FARP1: variants seen among roughly 807,000 people sequenced by gnomAD.
FARP1 encodes FERM, ARH/RhoGEF and pleckstrin domain protein 1.
In FARP1, 52 loss-of-function variants were observed where a neutral mutation model predicts 128.8. The observed-to-expected ratio is 0.40, with a 90% confidence interval of 0.32 to 0.51. The LOEUF (loss-of-function observed/expected upper bound fraction) is 0.51. Ranked by LOEUF, FARP1 falls within the 20% of genes least tolerant of loss-of-function variation. The pLI is 0.45. For missense variants in FARP1, 1,333 were observed against 1,367.9 expected (o/e 0.97, Z 0.40); for synonymous variants, 580 against 551.8 (o/e 1.05, Z -0.72).
intron 1 of FARP1, among the ~76,000 whole-genome samples, chr13:98,155,571 G>A (rs1876447804): frequency 6.6e-6 from 1 of 152,082 alleles, no homozygotes; most frequent in Admixed American, 6.5e-5. Context: ...ACCCAGGCTT[G>A]AGTGTGGTGT....
At chr13:98,352,282 A>G (rs1252440648) in intron 3 of FARP1, among the ~76,000 whole-genome samples, 6 of 152,204 alleles carry the variant, frequency 3.9e-5, no homozygotes, top group Admixed American at 3.9e-4. Flanking sequence ...GTGGCAGAAG[A>G]GAACCCTCAA....
intron 2 of FARP1, among the ~76,000 whole-genome samples, chr13:98,230,055 C>T (rs145958195): frequency 5.7e-4 from 87 of 152,212 alleles, no homozygotes; most frequent in African/African-American, 1.9e-3. Context: ...TGCCTAGTAC[C>T]GTAGGATAAA....
intron 14 of FARP1, 26 bp from the exon 15 acceptor site, chr13:98,410,708 T>C (rs1183327995): frequency 2.3e-6 from 3 of 1,313,516 alleles, no homozygotes; most frequent in Non-Finnish European, 3.3e-6. Flanking sequence ...ATTATTGCGC[T>C]TTGTTTCTTT....
At chr13:98,296,671 T>C (rs1270560136) in intron 2 of FARP1, among the ~76,000 whole-genome samples, 1 of 148,584 alleles carries the variant, frequency 6.7e-6, no homozygotes, top group African/African-American at 2.5e-5. Context: ...TTTACAAATA[T>C]AAAGTGACTT....
At chr13:98,204,112 A>T (rs1411726958) in intron 1 of FARP1, 1 of 152,188 alleles carries the variant, frequency 6.6e-6, no homozygotes, top group Non-Finnish European at 1.5e-5. Context: ...AGCTAGATCA[A>T]CCCTGGCAAT....
chr13:98,433,699 A>G (rs896957238), intron 18 of FARP1: 1 of 152,496 alleles, frequency 6.6e-6, no homozygotes, highest in African/African-American at 2.4e-5. Flanking sequence ...CGACAGACCT[A>G]GACCCAGTCT....
At chr13:98,448,160 C>A in intron 26 of FARP1, 76 bp from the exon 27 acceptor site, 1 of 1,271,816 alleles carries the variant, frequency 7.9e-7, no homozygotes, top group Non-Finnish European at 1.1e-6. Context: ...CCTTGTGTTT[C>A]TGTAAGCGAT....
chr13:98,313,880 T>C (rs1311357686), intron 2 of FARP1, among the ~76,000 whole-genome samples: 7 of 152,296 alleles, frequency 4.6e-5, no homozygotes, highest in Admixed American at 4.6e-4. Context: ...AGCCCACTTT[T>C]AGGAAAGACT....
chr13:98,430,289 T>C (rs1179015491), intron 17 of FARP1, among the ~76,000 whole-genome samples: 1 of 152,138 alleles, frequency 6.6e-6, no homozygotes, highest in African/African-American at 2.4e-5. Flanking sequence ...TACCAGCACA[T>C]AGAGAGCAAG....
Position 98,348,880 on chromosome 13 carries a change from A to C in FARP1, c.276+5014A>C, listed in dbSNP as rs188265551. ...CTGTGGTAGGTATTCTATAACCCAA[A>C]TTTTACAGTGAGCAAATCCAGAGAA... On this transcript the variant is annotated intron_variant, in intron 3 of 26. Coordinates refer to ENST00000319562, the MANE Select transcript of FARP1 (RefSeq NM_005766.4). Among the ~76,000 whole-genome samples, 4 of 152,272 alleles carry C rather than the reference A, an allele frequency of 2.6e-5. 1 individual carries two copies. The highest frequency in any genetic ancestry group is 5.9e-5 in the Non-Finnish European group (4 of 68,024).
intron 2 of FARP1, among the ~76,000 whole-genome samples, chr13:98,299,983 G>A (rs1186550590): frequency 6.6e-6 from 1 of 152,192 alleles, no homozygotes; most frequent in Non-Finnish European, 1.5e-5. Context: ...CAGGAGCATT[G>A]AAAGCTTCCT....
intron 24 of FARP1, among the ~76,000 whole-genome samples, chr13:98,441,413 A>C (rs1892519805): frequency 6.6e-6 from 1 of 152,228 alleles, no homozygotes; most frequent in Non-Finnish European, 1.5e-5. Context: ...AGGTCCGGCG[A>C]AAACCGTCTG....
At chr13:98,347,342 C>T (rs755953926) in intron 3 of FARP1, among the ~76,000 whole-genome samples, 9 of 152,134 alleles carry the variant, frequency 5.9e-5, no homozygotes, top group Non-Finnish European at 1.3e-4. Context: ...TGTACTTTGT[C>T]GTAGAGCAGA....
intron 2 of FARP1, among the ~76,000 whole-genome samples, chr13:98,308,996 A>G (rs543494162): frequency 1.3e-5 from 2 of 151,994 alleles, no homozygotes; most frequent in East Asian, 3.9e-4. Flanking sequence ...GTATAATTTT[A>G]TATTATAAAA....
At chr13:98,186,671 T>C (rs76911516) in intron 1 of FARP1, among the ~76,000 whole-genome samples, 6,163 of 152,182 alleles carry the variant, frequency 0.04, 396 homozygotes, top group African/African-American at 0.14. Context: ...ATCTATTTGT[T>C]GCTTCTACGT....
chr13:98,227,451 TAA>T (rs61196423), intron 2 of FARP1, among the ~76,000 whole-genome samples: 3 of 141,526 alleles, frequency 2.1e-5, no homozygotes, highest in African/African-American at 5.2e-5. Flanking sequence ...TGGCTACTAT[TAA>T]AAAAAAAAAA....
rs1892817455 is a variant in FARP1, at chr13:98,446,093, T to C, written c.2797-5T>C. ...GTGCTTCTCACAGGCCTCCTTGCCT[T>C]TCAGAATCAGTTGTCTGGAAACCTG... On this transcript the variant is annotated splice_polypyrimidine_tract_variant and splice_region_variant and intron_variant, in intron 24 of 26. Coordinates refer to ENST00000319562, the MANE Select transcript of FARP1 (RefSeq NM_005766.4). 1.9e-6 allele frequency: 3 copies of C among 1,609,010 alleles called. No individual in the cohort carries two copies. The highest frequency in any genetic ancestry group is 2.6e-6 in the Non-Finnish European group (3 of 1,175,408).
intron 3 of FARP1, among the ~76,000 whole-genome samples, chr13:98,347,245 G>A (rs7997132): frequency 0.11 from 16,212 of 152,158 alleles, 1,126 homozygotes; most frequent in African/African-American, 0.19. Flanking sequence ...CGTCATCTTC[G>A]TAGTTATTAT....
chr13:98,217,076 T>C (rs916230186), intron 2 of FARP1, among the ~76,000 whole-genome samples: 1 of 152,080 alleles, frequency 6.6e-6, no homozygotes, highest in African/African-American at 2.4e-5. Flanking sequence ...CTGTGTCCCC[T>C]CCTCGTGACC....
Sources: gnomAD v4.1 joint callset for allele counts (sites outside exome capture counted in the v4.1 genomes callset) on GRCh38, gnomAD v4.1.1 for gene constraint, MANE v1.5 for transcripts, NCBI Gene and HGNC (gene_info 2026-07-23, HGNC 2026-07-21) for gene names.